ATG2B: variants seen among roughly 807,000 people sequenced by gnomAD.
The protein encoded by ATG2B is autophagy related 2B.
In ATG2B, 121 loss-of-function variants were observed where a neutral mutation model predicts 241.3. The observed-to-expected ratio is 0.50, with a 90% CI of 0.43 to 0.58. The LOEUF (loss-of-function observed/expected upper bound fraction) is 0.58, where lower values mean the gene tolerates loss of function less well. Among genes scored for constraint, ATG2B ranks in the 20% least tolerant of loss-of-function variants. The pLI is 0.00. For missense variants in ATG2B, 2,306 were observed against 2,491.6 expected, an observed-to-expected ratio of 0.93 and a Z score of 1.59; for synonymous variants, 858 against 876.6, an observed-to-expected ratio of 0.98 and a Z score of 0.37.
chr14:96,318,242 G>A (rs1887368130), intron 18 of ATG2B: 1 of 155,796 alleles, frequency 6.4e-6, no homozygotes, highest in African/African-American at 2.4e-5. Context: ...ACCTATATGA[G>A]AGCACTTTGT....
Position 96,284,841 on chromosome 14 carries a change from G to C in ATG2B, c.*914C>G, listed in dbSNP as rs1886293589. The C allele has an allele frequency of 6.6e-6, 1 of 152,130 alleles. No individual in the cohort carries two copies. The highest frequency in any genetic ancestry group is 2.1e-4 in the South Asian group (1 of 4,830). The allele number at this position is 152,130 out of a possible 1,614,324, so 9.4% of individuals were successfully genotyped here. A position where few individuals can be genotyped will look rare whatever the true frequency, so the allele number is the denominator to read the frequency against. On this transcript the variant is annotated 3_prime_UTR_variant, in exon 42 of 42. Transcript: ENST00000359933. ...AATGGTATGCTGAAATAGTTAACTA[G>C]GGCATATTTGAAGAATTTTGTTTAC...
intron 1 of ATG2B, among the ~76,000 whole-genome samples, chr14:96,359,527 G>A (rs1159806339): frequency 1.3e-5 from 2 of 152,112 alleles, no homozygotes; most frequent in African/African-American, 4.8e-5. Flanking sequence ...TAAATGTACT[G>A]AATCGATTAA....
intron 37 of ATG2B, 29 bp from the exon 38 acceptor site, chr14:96,291,711 C>G (rs1364856700): frequency 1.3e-6 from 2 of 1,510,258 alleles, no homozygotes; most frequent in African/African-American, 2.7e-5. Context: ...CCAAATTAAC[C>G]TTACTGTAAA....
chr14:96,357,650 T>C (rs1888514261), intron 1 of ATG2B, among the ~76,000 whole-genome samples: 1 of 152,064 alleles, frequency 6.6e-6, no homozygotes, highest in African/African-American at 2.4e-5. Context: ...ATCAAGGTTC[T>C]TCCCTCTACT....
chr14:96,344,211 G>C (rs1888114903), intron 4 of ATG2B, among the ~76,000 whole-genome samples: 1 of 152,130 alleles, frequency 6.6e-6, no homozygotes, highest in South Asian at 2.1e-4. Context: ...ATAATCCGTA[G>C]AGGATCCTCA....
At chr14:96,297,157 T>C (rs1490319374) in intron 34 of ATG2B, among the ~76,000 whole-genome samples, 1 of 152,080 alleles carries the variant, frequency 6.6e-6, no homozygotes, top group Non-Finnish European at 1.5e-5. Flanking sequence ...ATACCAAATA[T>C]TACATGTTTA....
In ATG2B at chr14:96,315,268, A is replaced by C. The variant is rs1337640368; in HGVS notation, c.3562-34T>G. On this transcript the variant is annotated intron_variant, in intron 22 of 41. Transcript: ENST00000359933. ...AACAAGACAAAGAATGACATTTACC[A>C]CCTATGTAATCCTATAACTCAAAAG... 3 of 1,594,624 alleles carry C rather than the reference A, an allele frequency of 1.9e-6. No individual in the cohort carries two copies. In the Admixed American group the frequency reaches 5.0e-5, roughly 27 times the overall value.
At chr14:96,310,980 C>T in intron 28 of ATG2B, 137 bp downstream of exon 28, 1 of 711,178 alleles carries the variant, frequency 1.4e-6, no homozygotes, top group South Asian at 4.0e-5. Context: ...CGTTTCAGAC[C>T]CCATTATTCT....
chr14:96,329,421 C>T (rs1887671480), intron 12 of ATG2B, 63 bp downstream of exon 12: 12 of 1,209,836 alleles, frequency 9.9e-6, no homozygotes, highest in Non-Finnish European at 1.4e-5. Context: ...TTGCCTCATA[C>T]AATCATTAAA....
chr14:96,289,821 A>C lies in ATG2B; in HGVS notation c.5857-16T>G. On this transcript the variant is annotated splice_polypyrimidine_tract_variant and intron_variant, in intron 40 of 41. Transcript: ENST00000359933. The surrounding 1 kb of genome is among the most constrained non-coding windows in gnomAD (Gnocchi z 4.3). ...CTGCAGCTGCCTGGATCATTTTGTC[A>C]AAAGGAAGAAATGAATTAGAAGAAA... 1.2e-6 allele frequency: 2 copies of C among 1,613,574 alleles called. No individual in the cohort carries two copies. Among genetic ancestry groups the C allele is most frequent in the Non-Finnish European group, 1.7e-6 (2 of 1,179,684 alleles).
chr14:96,327,519 T>C (rs1225463763), intron 14 of ATG2B, among the ~76,000 whole-genome samples: 1 of 152,074 alleles, frequency 6.6e-6, no homozygotes, highest in Non-Finnish European at 1.5e-5. Flanking sequence ...ATATCCCATA[T>C]TGTTTGGGCT....
intron 17 of ATG2B, 126 bp downstream of exon 17, chr14:96,322,414 A>G: frequency 7.7e-7 from 1 of 1,295,554 alleles, no homozygotes; most frequent in East Asian, 2.5e-5. Context: ...GTATTATTCA[A>G]TTTTGAAGTT....
At chr14:96,299,971 T>C (rs1475558906) in intron 34 of ATG2B, among the ~76,000 whole-genome samples, 1 of 152,218 alleles carries the variant, frequency 6.6e-6, no homozygotes, top group East Asian at 1.9e-4. Flanking sequence ...AAATATGGTA[T>C]AGCAATCTTA....
intron 8 of ATG2B, among the ~76,000 whole-genome samples, chr14:96,332,886 GTTTTC>G (rs1193849444): frequency 5.3e-5 from 8 of 152,056 alleles, no homozygotes; most frequent in Admixed American, 2.6e-4. Flanking sequence ...TGATGAACAT[GTTTTC>G]TTTTGTTTTA....
intron 15 of ATG2B, among the ~76,000 whole-genome samples, chr14:96,325,095 C>A (rs1372268060): frequency 5.9e-5 from 9 of 152,102 alleles, no homozygotes; most frequent in African/African-American, 1.9e-4. Flanking sequence ...AAGTCACTAG[C>A]GATTAGTTAG....
intron 18 of ATG2B, among the ~76,000 whole-genome samples, chr14:96,321,015 T>C (rs1425403571): frequency 6.6e-6 from 1 of 152,122 alleles, no homozygotes; most frequent in African/African-American, 2.4e-5. Flanking sequence ...AAAAGATTAT[T>C]TTTAAAGTTA....
chr14:96,299,129 G>A (rs749668460), intron 34 of ATG2B, among the ~76,000 whole-genome samples: 30 of 152,250 alleles, frequency 2.0e-4, no homozygotes, highest in African/African-American at 5.3e-4. Flanking sequence ...TATAGAGCCT[G>A]GTTGAGCACT....
chr14:96,356,084 T>C (rs1242882928), intron 1 of ATG2B, among the ~76,000 whole-genome samples: 1 of 149,114 alleles, frequency 6.7e-6, no homozygotes, highest in Non-Finnish European at 1.5e-5. Flanking sequence ...GGCAGAAGAA[T>C]GGCATAAACC....
Position 96,280,166 on chromosome 14 carries a change from T to A in ATG2B, c.*5589A>T, listed in dbSNP as rs1886160448. 1 of 152,274 alleles carries A rather than the reference T, an allele frequency of 6.6e-6. No homozygotes were observed. Among genetic ancestry groups the A allele is most frequent in the Non-Finnish European group, 1.5e-5 (1 of 68,064 alleles). The allele number at this position is 152,274 out of a possible 1,614,324, so 9.4% of individuals were successfully genotyped here. ...CAGGAAGAGATCAAGCACATTTTCT[T>A]GCTCAAATATTCTAAGAGCCTTTAA... is the stretch of plus-strand genomic sequence containing the variant. On this transcript the variant is annotated 3_prime_UTR_variant, in exon 42 of 42. Coordinates refer to ENST00000359933, the MANE Select transcript of ATG2B (RefSeq NM_018036.7).
Sources: gnomAD v4.1 joint callset for allele counts (sites outside exome capture counted in the v4.1 genomes callset) on GRCh38, gnomAD v4.1.1 for gene constraint, Gnocchi (gnomAD v3.1) non-coding constraint, MANE v1.5 for transcripts, NCBI Gene and HGNC (gene_info 2026-07-23, HGNC 2026-07-21) for gene names.